CLUL1: variants seen among roughly 807,000 people sequenced by gnomAD.
The protein encoded by CLUL1 is clusterin-like protein 1.
A neutral mutation model predicts 49.4 loss-of-function variants in CLUL1; 43 were observed. That is an observed-to-expected ratio of 0.87 (90% CI 0.68 to 1.12). The LOEUF (loss-of-function observed/expected upper bound fraction) is 1.12. CLUL1 is among the 50% of genes most tolerant of loss of function. The probability of loss-of-function intolerance (pLI) is 0.00; values close to 1 mark genes in which losing one functional copy is unlikely to be tolerated. For synonymous variants in CLUL1, 192 were observed against 184.9 expected (o/e 1.04, Z -0.31); for missense variants, 486 against 544.4 (o/e 0.89, Z 1.07).
intron 9 of CLUL1, among the ~76,000 whole-genome samples, chr18:646,335 C>G (rs2074505851): frequency 6.9e-6 from 1 of 144,948 alleles, no homozygotes; most frequent in Non-Finnish European, 1.5e-5. Context: ...TTTTGGAGGC[C>G]TTTTTTTTTT....
chr18:608,718 TAAAC>T (rs34540016), intron 2 of CLUL1, among the ~76,000 whole-genome samples: 2 of 151,986 alleles, frequency 1.3e-5, no homozygotes, highest in African/African-American at 4.8e-5. Flanking sequence ...ACTCTGTCTC[TAAAC>T]AAACAAACAA....
chr18:627,012 AAAGAAAGAAAG>A lies in CLUL1; in HGVS notation c.424-82_424-72del, dbSNP rs2073816741. 7.6e-6 allele frequency: 2 copies of A among 262,344 alleles called. 1 individual carries two copies. The highest frequency in any genetic ancestry group is 9.7e-5 in the African/African-American group (2 of 20,660). 16.3% of individuals were successfully genotyped at this position (262,344 alleles called of 1,614,324 possible). On this transcript the variant is annotated intron_variant, in intron 5 of 9. Transcript: ENST00000692774. ...GAAGGAAGGAAGGAAGGAAGGAAAG[AAAGAAAGAAAG>A]AAAGAAAAGAAAGAAAGAGTCGAGA...
At chr18:649,339 C>G (rs1334989024) in intron 9 of CLUL1, among the ~76,000 whole-genome samples, 1 of 152,188 alleles carries the variant, frequency 6.6e-6, no homozygotes, top group African/African-American at 2.4e-5. Context: ...GAACCCTCTT[C>G]TGGAACTTTC....
chr18:637,787 C>T (rs766736946), intron 7 of CLUL1, among the ~76,000 whole-genome samples: 2 of 151,936 alleles, frequency 1.3e-5, no homozygotes, highest in Non-Finnish European at 2.9e-5. Context: ...CCAGCCTGGC[C>T]AACATGGCGA....
intron 9 of CLUL1, among the ~76,000 whole-genome samples, chr18:645,769 G>C (rs1469816841): frequency 1.8e-5 from 2 of 113,568 alleles, no homozygotes; most frequent in African/African-American, 3.6e-5. Context: ...ACTCCAGCCT[G>C]GGCGACAGAG....
chr18:639,242 T>A (rs1295122509), intron 7 of CLUL1, among the ~76,000 whole-genome samples: 1 of 149,118 alleles, frequency 6.7e-6, no homozygotes, highest in Non-Finnish European at 1.5e-5. Context: ...CTGACCAACA[T>A]GGTGAAACCC....
chr18:601,290 G>A (rs2072822695), intron 1 of CLUL1, among the ~76,000 whole-genome samples: 1 of 152,084 alleles, frequency 6.6e-6, no homozygotes, highest in South Asian at 2.1e-4. Flanking sequence ...CAGCAAAATA[G>A]GATGATCAAA....
chr18:646,157 T>C (rs2074501256), intron 9 of CLUL1, among the ~76,000 whole-genome samples: 1 of 151,776 alleles, frequency 6.6e-6, no homozygotes, highest in South Asian at 2.1e-4. Context: ...CGGCTTCCTG[T>C]TAAGATATTT....
intron 6 of CLUL1, among the ~76,000 whole-genome samples, chr18:630,454 G>A (rs1344406420): frequency 6.6e-6 from 1 of 152,084 alleles, no homozygotes. Flanking sequence ...TATCCAGATG[G>A]ATTCAATGTA....
At chr18:633,242 T>A in intron 6 of CLUL1, 56 bp from the exon 7 acceptor site, 1 of 1,493,868 alleles carries the variant, frequency 6.7e-7, no homozygotes, top group African/African-American at 1.4e-5. Context: ...TTGTCTCCAC[T>A]TCTTCAAAGT....
At chr18:622,279 C>T (rs922744618) in intron 4 of CLUL1, among the ~76,000 whole-genome samples, 1 of 152,074 alleles carries the variant, frequency 6.6e-6, no homozygotes, top group Admixed American at 6.5e-5. Context: ...AAGTAGGAAA[C>T]CCTAGAGAAG....
rs1567961708 is a variant in CLUL1, at chr18:619,121, A to G, written c.107-92A>G. The G allele has an allele frequency of 6.5e-6, 8 of 1,230,112 alleles. No individual in the cohort carries two copies. In the South Asian group the frequency reaches 1.2e-4, roughly 18 times the overall value. 76.2% of individuals were successfully genotyped at this position (1,230,112 alleles called of 1,614,324 possible). ...AATATGAGCCTATAAGAGAACAATT[A>G]AGCCTCTCTTTTGGAGACATGAAAG... On this transcript the variant is annotated intron_variant, in intron 3 of 9. Transcript: ENST00000692774.
chr18:643,596 G>T (rs1476728147), intron 8 of CLUL1, among the ~76,000 whole-genome samples: 1 of 152,086 alleles, frequency 6.6e-6, no homozygotes, highest in Non-Finnish European at 1.5e-5. Flanking sequence ...TTCCATTCTA[G>T]TGTCTCTTGA....
At chr18:635,233 G>T (rs1463495209) in intron 7 of CLUL1, among the ~76,000 whole-genome samples, 1 of 152,186 alleles carries the variant, frequency 6.6e-6, no homozygotes, top group Non-Finnish European at 1.5e-5. Context: ...TCCAAAGATG[G>T]TGGGGCAGGG....
At position 641,526 on chromosome 18, in the gene CLUL1, C is replaced by T; in HGVS notation, c.1194C>T (p.Ile398=). The T allele has an allele frequency of 6.2e-7, 1 of 1,614,072 alleles. No homozygotes were observed. The highest frequency in any genetic ancestry group is 8.5e-7 in the Non-Finnish European group (1 of 1,179,980). Residue 398 remains isoleucine (I), a synonymous_variant, in exon 8 of 10, where the codon ATC becomes ATT. Coordinates refer to ENST00000692774, the MANE Select transcript of CLUL1 (RefSeq NM_001393344.1). ...LANQAPETEI[I]FNSIQVVPRI... is the part of the protein sequence containing the mutation. ...ACCAGGCCCCAGAAACAGAGATCAT[C>T]TTTAATTCAATACAGGTAAAGGAGA...
At chr18:641,286 A>G in intron 7 of CLUL1, 41 bp from the exon 8 acceptor site, 9 of 1,580,448 alleles carry the variant, frequency 5.7e-6, no homozygotes, top group Non-Finnish European at 7.8e-6. Flanking sequence ...TCCAAGTTTC[A>G]TGGACTTTTT....
chr18:607,900 A>G (rs1242504723), intron 2 of CLUL1, among the ~76,000 whole-genome samples: 1 of 152,026 alleles, frequency 6.6e-6, no homozygotes, highest in African/African-American at 2.4e-5. Context: ...TGTGCACTTC[A>G]CCCAATTGCC....
chr18:636,490 G>A (rs1438570896), intron 7 of CLUL1, among the ~76,000 whole-genome samples: 5 of 152,114 alleles, frequency 3.3e-5, no homozygotes, highest in East Asian at 1.9e-4. Context: ...TTTGCAACTC[G>A]AAAGGAGTAA....
chr18:613,832 A>G (rs2073214313), intron 2 of CLUL1, among the ~76,000 whole-genome samples: 1 of 152,184 alleles, frequency 6.6e-6, no homozygotes, highest in South Asian at 2.1e-4. Flanking sequence ...AAACATTTTC[A>G]TTTATAATAA....
Sources: gnomAD v4.1 joint callset for allele counts (sites outside exome capture counted in the v4.1 genomes callset) on GRCh38, gnomAD v4.1.1 for gene constraint, MANE v1.5 for transcripts, NCBI Gene and HGNC (gene_info 2026-07-23, HGNC 2026-07-21) for gene names.